Variants in ADAMTSL1 observed in about 807,000 individuals in gnomAD.
ADAMTSL1 encodes the protein ADAMTS-like protein 1.
ADAMTSL1 carries 126 observed loss-of-function variants against 201.8 expected under a neutral mutation model. That is an observed-to-expected ratio of 0.62 (90% CI 0.54 to 0.72). The LOEUF (loss-of-function observed/expected upper bound fraction) is 0.72. Among genes scored for constraint, ADAMTSL1 ranks in the 30% least tolerant of loss-of-function variants. The pLI, the probability that ADAMTSL1 is intolerant of heterozygous loss-of-function variation, is 0.00. For missense variants in ADAMTSL1, 2,679 were observed against 2,277.8 expected, an observed-to-expected ratio of 1.18 and a Z score of -3.59; for synonymous variants, 1,121 against 903.4, an observed-to-expected ratio of 1.24 and a Z score of -4.32.
intron 16 of ADAMTSL1, among the ~76,000 whole-genome samples, chr9:18,766,176 T>C (rs1288059394): frequency 2.6e-5 from 4 of 152,172 alleles, no homozygotes; most frequent in African/African-American, 9.7e-5. Context: ...CCATGCTTGG[T>C]TCATGATTGG....
chr9:18,134,118 C>A (rs190702032), intron 1 of ADAMTSL1, among the ~76,000 whole-genome samples: 4 of 152,266 alleles, frequency 2.6e-5, no homozygotes, highest in Admixed American at 2.6e-4. Flanking sequence ...TCTGTGCATG[C>A]CTAGTTTGGC....
At chr9:18,153,912 A>G (rs572973573) in intron 1 of ADAMTSL1, among the ~76,000 whole-genome samples, 1 of 152,172 alleles carries the variant, frequency 6.6e-6, no homozygotes, top group South Asian at 2.1e-4. Flanking sequence ...ATATCATTAC[A>G]CGGCTTTAAT....
rs142830536 is a variant in ADAMTSL1 at position 18,339,421 on chromosome 9, T to C, written c.208-165408T>C. Among the ~76,000 whole-genome samples the C allele has an allele frequency of 5.7e-4, 87 of 152,130 alleles. 1 individual carries two copies. In the East Asian group the frequency reaches 0.015, roughly 26 times the overall value. ...ACAGTGAGATACCATCTCACACTAA[T>C]CAGAATGGCTACTATTAAAAAGTAA... On this transcript the variant is annotated intron_variant, in intron 2 of 29. Coordinates refer to the ADAMTSL1 transcript ENST00000680146.
intron 3 of ADAMTSL1, among the ~76,000 whole-genome samples, chr9:18,559,207 T>G (rs1312701938): frequency 1.3e-5 from 2 of 152,194 alleles, no homozygotes; most frequent in Non-Finnish European, 2.9e-5. Context: ...AGTGGTCCAG[T>G]TTCAGTTTTC....
At chr9:18,536,931 T>G (rs1406586559) in intron 3 of ADAMTSL1, among the ~76,000 whole-genome samples, 1 of 152,010 alleles carries the variant, frequency 6.6e-6, no homozygotes, top group Non-Finnish European at 1.5e-5. Flanking sequence ...TAAACTGTTT[T>G]TTTTGCACTA....
At chr9:18,436,385 G>A (rs1397231077) in intron 2 of ADAMTSL1, among the ~76,000 whole-genome samples, 1 of 152,086 alleles carries the variant, frequency 6.6e-6, no homozygotes, top group Non-Finnish European at 1.5e-5. Context: ...TTCATGCTCT[G>A]CTCTTTTCCC....
intron 2 of ADAMTSL1, among the ~76,000 whole-genome samples, chr9:18,276,937 G>A (rs1333555707): frequency 7.0e-6 from 1 of 143,816 alleles, no homozygotes; most frequent in African/African-American, 2.6e-5. Flanking sequence ...CCATATCAAT[G>A]TGTATGCTGC....
chr9:18,415,598 A>G (rs2133335104), intron 2 of ADAMTSL1, among the ~76,000 whole-genome samples: 1 of 152,236 alleles, frequency 6.6e-6, no homozygotes, highest in South Asian at 2.1e-4. Flanking sequence ...TGAGTTCCTG[A>G]AGTTGGGAGG....
intron 2 of ADAMTSL1, among the ~76,000 whole-genome samples, chr9:18,455,070 A>G (rs1182124764): frequency 6.6e-6 from 1 of 152,080 alleles, no homozygotes; most frequent in Non-Finnish European, 1.5e-5. Context: ...TTTTTACTAT[A>G]CTACTTCCTG....
chr9:18,429,265 A>C (rs967568341), intron 2 of ADAMTSL1, among the ~76,000 whole-genome samples: 1 of 152,216 alleles, frequency 6.6e-6, no homozygotes, highest in Non-Finnish European at 1.5e-5. Flanking sequence ...AGTCAATCTG[A>C]ATATGACTTC....
intron 2 of ADAMTSL1, among the ~76,000 whole-genome samples, chr9:18,512,585 T>A (rs905571130): frequency 5.3e-5 from 8 of 152,134 alleles, no homozygotes; most frequent in African/African-American, 1.9e-4. Context: ...AGGATAGAAA[T>A]CCCAAAGGGC....
At chr9:17,945,049 T>A (rs1297677269) in intron 1 of ADAMTSL1, among the ~76,000 whole-genome samples, 1 of 16,104 alleles carries the variant, frequency 6.2e-5, no homozygotes, top group African/African-American at 1.7e-4. Flanking sequence ...TCGGAGAAAA[T>A]TTTTGCAACC....
At chr9:18,197,878 G>C (rs7036722) in intron 2 of ADAMTSL1, among the ~76,000 whole-genome samples, 73,967 of 151,542 alleles carry the variant, frequency 0.49, 18,172 homozygotes, top group Admixed American at 0.56. Context: ...CTACAGTAAC[G>C]AAGACAGCAT....
chr9:18,711,156 T>C (rs1832563137), intron 14 of ADAMTSL1, among the ~76,000 whole-genome samples: 1 of 152,248 alleles, frequency 6.6e-6, no homozygotes, highest in African/African-American at 2.4e-5. Flanking sequence ...TTTCTTGTTG[T>C]AGGCACCCAC....
At chr9:18,577,446 A>G (rs1822806168) in intron 4 of ADAMTSL1, among the ~76,000 whole-genome samples, 1 of 152,142 alleles carries the variant, frequency 6.6e-6, no homozygotes. Context: ...AGATTGCACC[A>G]CTGTACTCCA....
chr9:18,655,566 ATTTT>A (rs769522192), intron 7 of ADAMTSL1, among the ~76,000 whole-genome samples: 1 of 152,084 alleles, frequency 6.6e-6, no homozygotes, highest in Admixed American at 6.5e-5. Flanking sequence ...AGAAGCTAAG[ATTTT>A]TTTCCCTTAC....
intron 1 of ADAMTSL1, among the ~76,000 whole-genome samples, chr9:18,090,609 GTTAGCAT>G (rs200086019): frequency 0.011 from 1,609 of 152,244 alleles, 30 homozygotes; most frequent in African/African-American, 0.035. Context: ...GAAATAGGGA[GTTAGCAT>G]TTAATAGGTA....
chr9:18,361,638 T>C lies in ADAMTSL1; in HGVS notation c.208-143191T>C, dbSNP rs572960897. Among the ~76,000 whole-genome samples, 3 of 152,288 alleles carry C rather than the reference T, an allele frequency of 2.0e-5. No homozygotes were observed. In the South Asian group the frequency reaches 6.2e-4, roughly 32 times the overall value. ...TCTTTTTTTCCAGCTTTTAATCCCC[T>C]AGAGTACTTGAAGGAGCAGAACTAT... On this transcript the variant is annotated intron_variant, in intron 2 of 29. Transcript: ENST00000680146.
intron 2 of ADAMTSL1, among the ~76,000 whole-genome samples, chr9:18,288,309 C>T (rs1438478371): frequency 3.3e-5 from 5 of 152,052 alleles, no homozygotes; most frequent in Non-Finnish European, 5.9e-5. Flanking sequence ...CCAAGTTGGG[C>T]GCACCATCTG....
Sources: gnomAD v4.1 joint callset for allele counts (sites outside exome capture counted in the v4.1 genomes callset) on GRCh38, gnomAD v4.1.1 for gene constraint, MANE v1.5 for transcripts, NCBI Gene and HGNC (gene_info 2026-07-23, HGNC 2026-07-21) for gene names.